Variants in OPCML observed in about 807,000 individuals in gnomAD.
OPCML encodes opioid binding protein/cell adhesion molecule like.
Under a neutral mutation model 37.8 loss-of-function variants are expected in OPCML, and 13 were observed. The ratio of observed to expected loss-of-function variants is 0.34; its 90% confidence interval spans 0.22 to 0.55. The LOEUF (loss-of-function observed/expected upper bound fraction) is 0.55, where lower values mean the gene tolerates loss of function less well. Among genes scored for constraint, OPCML ranks in the 20% least tolerant of loss-of-function variants. OPCML has a pLI of 0.91. For missense variants in OPCML, 341 were observed against 435.6 expected, an observed-to-expected ratio of 0.78 and a Z score of 1.93; for synonymous variants, 176 against 168.8, an observed-to-expected ratio of 1.04 and a Z score of -0.33.
chr11:132,677,014 A>C (rs1942740827), intron 2 of OPCML, among the ~76,000 whole-genome samples: 1 of 152,048 alleles, frequency 6.6e-6, no homozygotes, highest in Non-Finnish European at 1.5e-5. Flanking sequence ...TAAATGACCA[A>C]AAAATCCTTC....
At chr11:133,398,113 T>C (rs1269325964) in intron 1 of OPCML, among the ~76,000 whole-genome samples, 4 of 152,190 alleles carry the variant, frequency 2.6e-5, no homozygotes, top group Non-Finnish European at 5.9e-5. Flanking sequence ...AAAGGGAGGC[T>C]CACCTGCTGA....
chr11:133,516,710 G>A (rs963405285), intron 1 of OPCML, among the ~76,000 whole-genome samples: 13 of 152,124 alleles, frequency 8.5e-5, no homozygotes, highest in African/African-American at 2.2e-4. Context: ...GGGACAGAGC[G>A]GGAGAAGGCG....
rs1174062894 is a variant in OPCML, at chr11:133,243,101, C to G, written c.61+289163G>C. Among the ~76,000 whole-genome samples the G allele has an allele frequency of 2.0e-5, 3 of 152,178 alleles. No homozygotes were observed. The East Asian group carries it at 5.8e-4, about 29-fold the overall frequency. On this transcript the variant is annotated intron_variant, in intron 1 of 7. Transcript: ENST00000524381. ...GGCAATTTCTTCAAGCCTGGAGAGA[C>G]CTGTGAAACTCCAGAATCTACTGAA...
intron 1 of OPCML, among the ~76,000 whole-genome samples, chr11:133,196,220 G>T (rs1938531245): frequency 6.6e-6 from 1 of 152,144 alleles, no homozygotes. Flanking sequence ...GAATTTCCTG[G>T]ACTCCCTAAA....
At chr11:133,222,668 T>C (rs1939887365) in intron 1 of OPCML, among the ~76,000 whole-genome samples, 1 of 152,252 alleles carries the variant, frequency 6.6e-6, no homozygotes, top group Non-Finnish European at 1.5e-5. Flanking sequence ...TCTAGCATTA[T>C]AAATTATGTA....
At chr11:132,853,355 T>G (rs186715639) in intron 2 of OPCML, among the ~76,000 whole-genome samples, 6 of 152,314 alleles carry the variant, frequency 3.9e-5, no homozygotes, top group African/African-American at 1.4e-4. Flanking sequence ...TTGGAGGATC[T>G]GCATAACTCT....
intron 1 of OPCML, among the ~76,000 whole-genome samples, chr11:133,482,499 G>T (rs1043733430): frequency 2.6e-5 from 4 of 152,118 alleles, no homozygotes; most frequent in African/African-American, 9.7e-5. Flanking sequence ...GGGAGGGTAG[G>T]CAGTGGCCAC....
At chr11:132,865,550 G>A (rs189336740) in intron 2 of OPCML, among the ~76,000 whole-genome samples, 1 of 152,194 alleles carries the variant, frequency 6.6e-6, no homozygotes, top group South Asian at 2.1e-4. Flanking sequence ...TATTTCTGAA[G>A]CTGCCTGAAT....
intron 1 of OPCML, among the ~76,000 whole-genome samples, chr11:132,973,477 A>G (rs1234873569): frequency 6.6e-6 from 1 of 152,106 alleles, no homozygotes; most frequent in East Asian, 1.9e-4. Flanking sequence ...ACCAGCTTGG[A>G]TTTCATGGTT....
chr11:132,818,781 T>C (rs912423556), intron 2 of OPCML, among the ~76,000 whole-genome samples: 1 of 149,470 alleles, frequency 6.7e-6, no homozygotes, highest in Non-Finnish European at 1.5e-5. Flanking sequence ...AAGAACCATA[T>C]ATGGGGGAGG....
intron 1 of OPCML, among the ~76,000 whole-genome samples, chr11:133,079,196 G>T (rs1948671170): frequency 6.6e-6 from 1 of 152,142 alleles, no homozygotes; most frequent in African/African-American, 2.4e-5. Flanking sequence ...TTGTACTTTT[G>T]ATACGCATTT....
rs1485822891 is a variant in OPCML at position 132,507,315 on chromosome 11, AT to A, written c.505+21745del. ...AAACAATGCAATATGGCTATGCACA[AT>A]CTGAATAACAGAATTCTCTCTCAGT... On this transcript the variant is annotated intron_variant, in intron 4 of 7. Transcript: ENST00000524381. Among the ~76,000 whole-genome samples the A allele has an allele frequency of 7.2e-5, 11 of 152,134 alleles. No individual in the cohort carries two copies. The East Asian group carries it at 1.7e-3, about 24-fold the overall frequency.
At chr11:132,472,029 C>T (rs551488113) in intron 4 of OPCML, among the ~76,000 whole-genome samples, 22 of 152,310 alleles carry the variant, frequency 1.4e-4, no homozygotes, top group African/African-American at 5.3e-4. Context: ...TTCTGGAAGG[C>T]CCTCCCTTTT....
intron 1 of OPCML, among the ~76,000 whole-genome samples, chr11:133,113,717 A>G (rs140235036): frequency 6.6e-6 from 1 of 152,346 alleles, no homozygotes; most frequent in African/African-American, 2.4e-5. Context: ...ACAAAGCCTA[A>G]ATAAATTTTA....
At chr11:132,865,049 G>A (rs1942474551) in intron 2 of OPCML, among the ~76,000 whole-genome samples, 1 of 152,230 alleles carries the variant, frequency 6.6e-6, no homozygotes, top group South Asian at 2.1e-4. Context: ...TTTGCTGCAT[G>A]AGTCAGCATT....
At chr11:132,793,499 G>C (rs545432261) in intron 2 of OPCML, among the ~76,000 whole-genome samples, 23 of 152,268 alleles carry the variant, frequency 1.5e-4, no homozygotes, top group Non-Finnish European at 2.6e-4. Context: ...TGTCTGATGA[G>C]TCTGTGAATT....
intron 1 of OPCML, among the ~76,000 whole-genome samples, chr11:133,154,783 G>A (rs1045676350): frequency 6.6e-6 from 1 of 152,144 alleles, no homozygotes; most frequent in Non-Finnish European, 1.5e-5. Flanking sequence ...GGAATGTGAA[G>A]CCTGAGAAAG....
At chr11:133,178,501 AG>A (rs2136281343) in intron 1 of OPCML, among the ~76,000 whole-genome samples, 1 of 152,286 alleles carries the variant, frequency 6.6e-6, no homozygotes, top group Admixed American at 6.5e-5. Context: ...AGTACAGAGT[AG>A]AATCACATTT....
At chr11:132,611,127 C>A (rs538933871) in intron 3 of OPCML, among the ~76,000 whole-genome samples, 1 of 152,144 alleles carries the variant, frequency 6.6e-6, no homozygotes, top group Non-Finnish European at 1.5e-5. Flanking sequence ...TTGGTTTTCA[C>A]GTATAAAGTT....
Sources: gnomAD v4.1 joint callset for allele counts (sites outside exome capture counted in the v4.1 genomes callset) on GRCh38, gnomAD v4.1.1 for gene constraint, MANE v1.5 for transcripts, NCBI Gene and HGNC (gene_info 2026-07-23, HGNC 2026-07-21) for gene names.